Variants in NPAS3 observed in about 807,000 individuals in gnomAD.
NPAS3 encodes the protein neuronal PAS domain-containing protein 3.
Under a neutral mutation model 73.1 loss-of-function variants are expected in NPAS3, and 14 were observed. That is an observed-to-expected ratio of 0.19 (90% CI 0.13 to 0.30). The LOEUF (loss-of-function observed/expected upper bound fraction) is 0.30, where lower values mean the gene tolerates loss of function less well. Ranked by LOEUF, NPAS3 falls within the 10% of genes least tolerant of loss-of-function variation. The pLI, the probability that NPAS3 is intolerant of heterozygous loss-of-function variation, is 1.00. For missense variants in NPAS3, 1,096 were observed against 1,250.0 expected (o/e 0.88, Z 1.86); for synonymous variants, 620 against 541.5 (o/e 1.14, Z -2.01).
intron 3 of NPAS3, among the ~76,000 whole-genome samples, chr14:33,328,891 T>A (rs1245443894): frequency 6.6e-6 from 1 of 152,194 alleles, no homozygotes; most frequent in African/African-American, 2.4e-5. Flanking sequence ...AATTTTAACA[T>A]AGAGTTTTTC....
chr14:33,053,604 T>A (rs1267351762), intron 1 of NPAS3, among the ~76,000 whole-genome samples: 1 of 152,224 alleles, frequency 6.6e-6, no homozygotes, highest in Non-Finnish European at 1.5e-5. Flanking sequence ...AGCTTTTTGA[T>A]GATAACATAT....
chr14:33,286,583 T>A (rs960717537), intron 3 of NPAS3, among the ~76,000 whole-genome samples: 31 of 152,212 alleles, frequency 2.0e-4, no homozygotes, highest in African/African-American at 7.5e-4. Context: ...TCGGCCTGAA[T>A]GAGTGATTCT....
intron 3 of NPAS3, among the ~76,000 whole-genome samples, chr14:33,289,101 C>T (rs1333676005): frequency 6.6e-6 from 1 of 152,172 alleles, no homozygotes. Flanking sequence ...ATGCCAAGTA[C>T]TGTGATTAAG....
At chr14:33,509,490 C>T (rs2052934395) in intron 4 of NPAS3, among the ~76,000 whole-genome samples, 1 of 152,068 alleles carries the variant, frequency 6.6e-6, no homozygotes, top group Non-Finnish European at 1.5e-5. Context: ...CTGTCCTCTG[C>T]ACCCTTCTCT....
At chr14:33,186,494 G>C (rs2045978580) in intron 2 of NPAS3, among the ~76,000 whole-genome samples, 1 of 152,142 alleles carries the variant, frequency 6.6e-6, no homozygotes, top group African/African-American at 2.4e-5. Flanking sequence ...CTGAGCTTTA[G>C]TTTGAATATC....
intron 4 of NPAS3, among the ~76,000 whole-genome samples, chr14:33,533,144 T>A (rs34250772): frequency 0.038 from 5,732 of 152,186 alleles, 413 homozygotes; most frequent in African/African-American, 0.13. Context: ...TCAGGTATTA[T>A]AAAAGACTGG....
At chr14:33,719,915 C>A (rs1293047802) in intron 6 of NPAS3, among the ~76,000 whole-genome samples, 1 of 151,992 alleles carries the variant, frequency 6.6e-6, no homozygotes, top group Non-Finnish European at 1.5e-5. Flanking sequence ...ATTGTCGGGG[C>A]ATCATTGGCA....
intron 6 of NPAS3, among the ~76,000 whole-genome samples, chr14:33,684,352 C>T (rs908242096): frequency 2.0e-5 from 3 of 151,880 alleles, no homozygotes; most frequent in Non-Finnish European, 4.4e-5. Context: ...CGCTCTGTCG[C>T]CCAGGCTGGA....
chr14:33,246,536 T>C (rs2048385540), intron 3 of NPAS3, among the ~76,000 whole-genome samples: 1 of 42,434 alleles, frequency 2.4e-5, no homozygotes. Context: ...AGACTTCATC[T>C]CAAAAAAAAA....
chr14:33,536,474 A>G (rs1389635793), intron 4 of NPAS3, among the ~76,000 whole-genome samples: 4 of 152,186 alleles, frequency 2.6e-5, no homozygotes, highest in Non-Finnish European at 5.9e-5. Context: ...GAAAAATATT[A>G]TCATGATTTG....
intron 4 of NPAS3, among the ~76,000 whole-genome samples, chr14:33,412,090 G>T (rs1566879242): frequency 1.3e-5 from 2 of 152,140 alleles, no homozygotes; most frequent in East Asian, 3.9e-4. Context: ...TAGAATTTAT[G>T]TTTTTTACCT....
chr14:32,939,226 C>T, upstream of NPAS3: 1 of 514,118 alleles, frequency 1.9e-6, no homozygotes, highest in Admixed American at 2.7e-5. Context: ...CCCGCCACCC[C>T]ACGCACACGC....
intron 1 of NPAS3, among the ~76,000 whole-genome samples, chr14:32,963,141 A>AT (rs2037003359): frequency 6.6e-6 from 1 of 152,194 alleles, no homozygotes; most frequent in Non-Finnish European, 1.5e-5. Context: ...GATAAAAACT[A>AT]TATCTTCTGA....
chr14:33,543,953 A>ATATATATATC (rs2054637480), intron 4 of NPAS3, among the ~76,000 whole-genome samples: 5 of 4,522 alleles, frequency 1.1e-3, no homozygotes, highest in African/African-American at 9.5e-3. Flanking sequence ...GTGCATATAT[A>ATATATATATC]TATATATATA....
chr14:33,382,095 A>C (rs1857060968), intron 4 of NPAS3, among the ~76,000 whole-genome samples: 1 of 152,158 alleles, frequency 6.6e-6, no homozygotes, highest in Non-Finnish European at 1.5e-5. Flanking sequence ...TTTCAGAGAA[A>C]CTTAAGAAGC....
intron 4 of NPAS3, among the ~76,000 whole-genome samples, chr14:33,453,626 G>C (rs1180287411): frequency 1.3e-5 from 2 of 152,154 alleles, no homozygotes; most frequent in African/African-American, 4.8e-5. Flanking sequence ...AAGAAAAATG[G>C]GGCCAGCATT....
At chr14:33,138,051 C>CT (rs779900834) in intron 2 of NPAS3, among the ~76,000 whole-genome samples, 88 of 110,810 alleles carry the variant, frequency 7.9e-4, no homozygotes, top group South Asian at 1.7e-3. Context: ...TAATCTATCA[C>CT]TTTTTTTTTT....
At chr14:33,746,976 T>A (rs2061825205) in intron 7 of NPAS3, among the ~76,000 whole-genome samples, 1 of 149,476 alleles carries the variant, frequency 6.7e-6, no homozygotes, top group Non-Finnish European at 1.5e-5. Context: ...TTCCCACCTA[T>A]GAGTGAGAAT....
intron 4 of NPAS3, among the ~76,000 whole-genome samples, chr14:33,392,207 C>T (rs10143563): frequency 0.12 from 17,574 of 151,944 alleles, 1,252 homozygotes; most frequent in African/African-American, 0.19. Flanking sequence ...TTATTTTTGC[C>T]GCCCTTAAAA....
Sources: allele counts gnomAD v4.1 joint callset (sites outside exome capture counted in the v4.1 genomes callset), GRCh38; gene constraint gnomAD v4.1.1; transcripts MANE v1.5; gene names NCBI Gene and HGNC (gene_info 2026-07-23, HGNC 2026-07-21).